NOX3: variants seen among roughly 807,000 people sequenced by gnomAD.
NOX3 encodes NADPH oxidase 3, also known as NADPH oxidase catalytic subunit-like 3.
Under a neutral mutation model 76.7 loss-of-function variants are expected in NOX3, and 74 were observed. That is an observed-to-expected ratio of 0.96 (90% confidence interval 0.80 to 1.17). NOX3 has a LOEUF of 1.17. NOX3 is among the 50% of genes most tolerant of loss of function. The pLI, the probability that NOX3 is intolerant of heterozygous loss-of-function variation, is 0.00. For missense variants in NOX3, 695 were observed against 703.3 expected, an observed-to-expected ratio of 0.99 and a Z score of 0.13; for synonymous variants, 263 against 261.1, an observed-to-expected ratio of 1.01 and a Z score of -0.07.
intron 10 of NOX3, among the ~76,000 whole-genome samples, chr6:155,421,704 G>C (rs542229719): frequency 5.9e-5 from 9 of 152,176 alleles, no homozygotes; most frequent in African/African-American, 2.2e-4. Context: ...GGCCCGGGCT[G>C]GTCTAGCGTC....
intron 10 of NOX3, among the ~76,000 whole-genome samples, chr6:155,419,852 A>G (rs1288479325): frequency 6.6e-6 from 1 of 152,186 alleles, no homozygotes; most frequent in East Asian, 1.9e-4. Flanking sequence ...GGAATTTAGT[A>G]AAAATCATTG....
Position 155,396,815 on chromosome 6 carries a change from C to T in NOX3, c.*21G>A, listed in dbSNP as rs761416435. On this transcript the variant is annotated 3_prime_UTR_variant, in exon 13 of 14. Coordinates refer to ENST00000159060, the MANE Select transcript of NOX3 (RefSeq NM_015718.3). Reference sequence around the variant, plus strand: ...TATGATTGCAGCCACTTACACAATGCCTGGACTTGACCTCCAAAGTCTAGA... The same window carrying T: ...TATGATTGCAGCCACTTACACAATGTCTGGACTTGACCTCCAAAGTCTAGA... 5.0e-6 allele frequency: 8 copies of T among 1,601,242 alleles called. No individual in the cohort carries two copies. The highest frequency in any genetic ancestry group is 6.8e-6 in the Non-Finnish European group (8 of 1,173,444).
intron 5 of NOX3, 47 bp from the exon 6 acceptor site, chr6:155,440,184 AC>A (rs758827733): frequency 7.3e-7 from 1 of 1,367,370 alleles, no homozygotes; most frequent in Admixed American, 2.4e-5. Flanking sequence ...AAAAAAAAAC[AC>A]CTTGACATTA....
intron 12 of NOX3, among the ~76,000 whole-genome samples, chr6:155,399,385 C>T (rs1779185161): frequency 6.6e-6 from 1 of 152,260 alleles, no homozygotes; most frequent in East Asian, 1.9e-4. Context: ...CTCCTGGTGT[C>T]CCCAGCAGTT....
intron 6 of NOX3, among the ~76,000 whole-genome samples, chr6:155,439,189 A>T (rs1335897134): frequency 6.6e-6 from 1 of 152,190 alleles, no homozygotes; most frequent in Admixed American, 6.5e-5. Flanking sequence ...GTGCTTTGAA[A>T]ATTGTAAAAT....
intron 12 of NOX3, among the ~76,000 whole-genome samples, chr6:155,401,303 A>G (rs1340396531): frequency 6.6e-6 from 1 of 152,134 alleles, no homozygotes; most frequent in Non-Finnish European, 1.5e-5. Flanking sequence ...TATGCTGACA[A>G]TTTCCTCATC....
chr6:155,434,071 T>C (rs1382522676), intron 7 of NOX3, among the ~76,000 whole-genome samples: 2 of 152,210 alleles, frequency 1.3e-5, no homozygotes, highest in Non-Finnish European at 2.9e-5. Context: ...ATGCTGGCTT[T>C]GATTTTATTT....
chr6:155,404,380 G>A (rs915451435), intron 12 of NOX3, among the ~76,000 whole-genome samples: 2 of 152,122 alleles, frequency 1.3e-5, no homozygotes, highest in African/African-American at 4.8e-5. Flanking sequence ...CAGAAGCCAG[G>A]ATGGGTTGGA....
intron 9 of NOX3, among the ~76,000 whole-genome samples, chr6:155,425,061 A>G (rs986583853): frequency 6.6e-6 from 1 of 152,192 alleles, no homozygotes; most frequent in African/African-American, 2.4e-5. Flanking sequence ...TCATATACCT[A>G]TGTTAAACTG....
At chr6:155,445,938 G>GATATATAATATATATGCTATAT in intron 4 of NOX3, among the ~76,000 whole-genome samples, 1 of 128,822 alleles carries the variant, frequency 7.8e-6, no homozygotes, top group Non-Finnish European at 1.6e-5. Flanking sequence ...ATATGCTATA[G>GATATATAATATATATGCTATAT]ATATATAATA....
At chr6:155,436,723 AG>A (rs1776909624) in intron 6 of NOX3, among the ~76,000 whole-genome samples, 176 bp from the exon 7 acceptor site, 1 of 152,212 alleles carries the variant, frequency 6.6e-6, no homozygotes, top group South Asian at 2.1e-4. Context: ...TAAGCATTTA[AG>A]AAGCTTCGAG....
intron 10 of NOX3, among the ~76,000 whole-genome samples, chr6:155,414,306 G>A (rs1324071989): frequency 2.0e-5 from 3 of 152,198 alleles, no homozygotes; most frequent in Non-Finnish European, 4.4e-5. Context: ...TTTCGCCCAT[G>A]AGAAAGGACC....
chr6:155,428,251 C>T (rs1776782389), intron 9 of NOX3, among the ~76,000 whole-genome samples: 1 of 152,186 alleles, frequency 6.6e-6, no homozygotes, highest in Non-Finnish European at 1.5e-5. Flanking sequence ...TGTTAAAGTC[C>T]TAACCTCAGT....
intron 12 of NOX3, among the ~76,000 whole-genome samples, chr6:155,405,639 A>T (rs1776447449): frequency 6.6e-6 from 1 of 152,182 alleles, no homozygotes; most frequent in Middle Eastern, 3.2e-3. Context: ...CTCCTCTTAA[A>T]GTCATCACCA....
rs527677439 is a variant in NOX3 at position 155,452,270 on chromosome 6, C to T, written c.340+1134G>A. 1.4e-4 allele frequency among the ~76,000 whole-genome samples: 22 copies of T among 152,278 alleles called. No individual in the cohort carries two copies. The South Asian group carries it at 4.6e-3, about 32-fold the overall frequency. On this transcript the variant is annotated intron_variant, in intron 4 of 13. Coordinates refer to ENST00000159060, the MANE Select transcript of NOX3 (RefSeq NM_015718.3). ...TCCATTCCTGAGCCAAAATTTCTTT[C>T]CCTGAGTCTTTATTCCTTCATGCAT...
At chr6:155,426,261 C>T (rs1179432236) in intron 9 of NOX3, among the ~76,000 whole-genome samples, 9 of 152,090 alleles carry the variant, frequency 5.9e-5, no homozygotes, top group Admixed American at 5.9e-4. Flanking sequence ...TTTATCGAGC[C>T]CATAATGACT....
intron 10 of NOX3, among the ~76,000 whole-genome samples, chr6:155,421,507 T>C (rs1039470285): frequency 1.3e-5 from 2 of 152,152 alleles, no homozygotes; most frequent in Non-Finnish European, 2.9e-5. Flanking sequence ...GAGGAAAGGT[T>C]CTGTAGCTAA....
At chr6:155,420,060 G>T (rs767968525) in intron 10 of NOX3, among the ~76,000 whole-genome samples, 4 of 152,054 alleles carry the variant, frequency 2.6e-5, no homozygotes, top group Non-Finnish European at 5.9e-5. Flanking sequence ...ATCCAGAGAA[G>T]CTATGTTCAA....
chr6:155,444,253 C>T (rs1195944396), intron 4 of NOX3, among the ~76,000 whole-genome samples: 1 of 152,146 alleles, frequency 6.6e-6, no homozygotes, highest in African/African-American at 2.4e-5. Context: ...CAGGAATAAG[C>T]AATTTGTGTT....
Sources: allele counts gnomAD v4.1 joint callset (sites outside exome capture counted in the v4.1 genomes callset), GRCh38; gene constraint gnomAD v4.1.1; transcripts MANE v1.5; gene names NCBI Gene and HGNC (gene_info 2026-07-23, HGNC 2026-07-21).